The following SS18L1 variants were observed in gnomAD, a reference collection of about 807,000 sequenced individuals.
SS18L1 encodes SS18L1 subunit of BAF chromatin remodeling complex, also known as calcium-responsive transactivator.
Under a neutral mutation model 70.3 loss-of-function variants are expected in SS18L1, and 32 were observed. The ratio of observed to expected loss-of-function variants is 0.46; its 90% confidence interval spans 0.34 to 0.61. SS18L1 has a LOEUF of 0.61. Ranked by LOEUF, SS18L1 falls within the 20% of genes least tolerant of loss-of-function variation. The probability of loss-of-function intolerance (pLI) is 0.01; values close to 1 mark genes in which losing one functional copy is unlikely to be tolerated. For missense variants in SS18L1, 430 were observed against 542.1 expected, an observed-to-expected ratio of 0.79 and a Z score of 2.05; for synonymous variants, 237 against 229.7, an observed-to-expected ratio of 1.03 and a Z score of -0.29.
intron 10 of SS18L1, among the ~76,000 whole-genome samples, chr20:62,178,563 G>A (rs1321078443): frequency 2.6e-5 from 4 of 152,068 alleles, no homozygotes; most frequent in African/African-American, 9.7e-5. Flanking sequence ...CCCAAATTCA[G>A]ATTTGTTTTT....
chr20:62,149,744 G>A (rs556610024), intron 1 of SS18L1, among the ~76,000 whole-genome samples: 45 of 152,250 alleles, frequency 3.0e-4, no homozygotes, highest in Non-Finnish European at 4.7e-4. Flanking sequence ...GGCACTCAAC[G>A]AGCAAGGAAT....
At chr20:62,157,086 C>A (rs892204829) in intron 1 of SS18L1, among the ~76,000 whole-genome samples, 1 of 152,162 alleles carries the variant, frequency 6.6e-6, no homozygotes, top group African/African-American at 2.4e-5. Flanking sequence ...CGCGGGCCAC[C>A]CAGTGCTGCC....
intron 9 of SS18L1, among the ~76,000 whole-genome samples, chr20:62,173,468 G>C (rs2057567434): frequency 6.6e-6 from 1 of 152,198 alleles, no homozygotes; most frequent in South Asian, 2.1e-4. Context: ...CCAGCACTTT[G>C]GGAGGCTGAG....
At position 62,143,859 on chromosome 20, in the gene SS18L1, A is replaced by G; in HGVS notation, c.39A>G (p.Lys13=). 2 of 1,300,672 alleles carry G rather than the reference A, an allele frequency of 1.5e-6. No homozygotes were observed. Among genetic ancestry groups the G allele is most frequent in the Non-Finnish European group, 2.0e-6 (2 of 992,890 alleles). 80.6% of individuals were successfully genotyped at this position (1,300,672 alleles called of 1,614,324 possible). Residue 13 remains lysine, a synonymous_variant, in exon 1 of 11, where the codon AAA becomes AAG. Coordinates refer to ENST00000331758, the MANE Select transcript of SS18L1 (RefSeq NM_198935.3). ...VAFASARPRG[K]GEVTQQTIQK... ...TCGCGTCTGCCCGGCCAAGAGGCAA[A>G]GGGGAGGTTACGCAGCAAACCATCC...
intron 7 of SS18L1, among the ~76,000 whole-genome samples, chr20:62,164,845 GA>G (rs2057398868): frequency 6.6e-6 from 1 of 152,226 alleles, no homozygotes; most frequent in Non-Finnish European, 1.5e-5. Flanking sequence ...ATTGAGCCAT[GA>G]TCGCACCACC....
At chr20:62,176,693 T>C (rs929242083) in intron 10 of SS18L1, among the ~76,000 whole-genome samples, 7 of 151,604 alleles carry the variant, frequency 4.6e-5, no homozygotes, top group Non-Finnish European at 8.8e-5. Context: ...AGCCCAGCTA[T>C]TGGGGAAGCT....
At position 62,180,026 on chromosome 20, in the gene SS18L1, C is replaced by T. The variant is rs2057684571; in HGVS notation, c.*818C>T. ...AGTGGGCCCTCAGAGATTACTCTGG[C>T]TTTGACCCTTGTTTAGCTGATGGTC... On this transcript the variant is annotated 3_prime_UTR_variant, in exon 11 of 11. Coordinates refer to ENST00000331758, the MANE Select transcript of SS18L1 (RefSeq NM_198935.3). The T allele has an allele frequency of 4.6e-6, 1 of 219,560 alleles. No individual in the cohort carries two copies. The highest frequency in any genetic ancestry group is 2.2e-5 in the African/African-American group (1 of 44,502). The allele number at this position is 219,560 out of a possible 1,614,324, so 13.6% of individuals were successfully genotyped here. A position where few individuals can be genotyped will look rare whatever the true frequency, so the allele number is the denominator to read the frequency against.
intron 1 of SS18L1, among the ~76,000 whole-genome samples, chr20:62,157,354 C>T (rs548340305): frequency 3.9e-5 from 6 of 152,200 alleles, no homozygotes; most frequent in Admixed American, 6.5e-5. Flanking sequence ...GTTCAGGAGG[C>T]GCTTTGGGAA....
Position 62,163,536 on chromosome 20 carries a change from C to T in SS18L1, c.635C>T (p.Ser212Leu), listed in dbSNP as rs777905619. 6.2e-6 allele frequency: 10 copies of T among 1,611,608 alleles called. No individual in the cohort carries two copies. The highest frequency in any genetic ancestry group is 2.2e-5 in the East Asian group (1 of 44,858). The change falls in exon 6 of 11, where the codon TCG (serine) becomes TTG (leucine). Residue 212 changes from serine to leucine, a missense_variant. Physicochemically the swap from Ser to Leu is moderately radical, Grantham distance 145. Coordinates refer to ENST00000331758, the MANE Select transcript of SS18L1 (RefSeq NM_198935.3). Reference protein sequence around the residue: ...QGGSQHYQGQSSIAMMGQGSQ... With the variant: ...QGGSQHYQGQLSIAMMGQGSQ... ...GGCAGCCAGCACTACCAGGGCCAGT[C>T]GTCCATCGCCATGATGGGGCAGGGC...
At position 62,182,402 on chromosome 20, in the gene SS18L1, TA is replaced by T. The variant is rs1216310679; in HGVS notation, c.*3195del. 2.5e-5 allele frequency: 5 copies of T among 201,864 alleles called. No individual in the cohort carries two copies. The highest frequency in any genetic ancestry group is 3.1e-5 in the Non-Finnish European group (3 of 98,250). 12.5% of individuals were successfully genotyped at this position (201,864 alleles called of 1,614,324 possible). A position where few individuals can be genotyped will look rare whatever the true frequency, so the allele number is the denominator to read the frequency against. On this transcript the variant is annotated 3_prime_UTR_variant, in exon 11 of 11. Transcript: ENST00000331758. ...ACATTTAAAAAACATCCTTATCGGT[TA>T]TTTTTTTTTCAGTCGGAGTTTGACG...
intron 8 of SS18L1, among the ~76,000 whole-genome samples, chr20:62,168,021 G>C (rs1270417145): frequency 3.5e-5 from 5 of 144,348 alleles, no homozygotes; most frequent in African/African-American, 1.3e-4. Context: ...GTAGAGATAA[G>C]GTCTTGCCAT....
intron 8 of SS18L1, among the ~76,000 whole-genome samples, chr20:62,167,398 A>G (rs982161088): frequency 1.1e-4 from 14 of 126,620 alleles, no homozygotes; most frequent in East Asian, 2.1e-4. Flanking sequence ...TTCTCTCCCG[A>G]AAAAAAAAAA....
chr20:62,153,386 T>C lies in SS18L1; in HGVS notation c.70-5286T>C, dbSNP rs574540761. On this transcript the variant is annotated intron_variant, in intron 1 of 10. Transcript: ENST00000331758. ...AATGCCTCCCACCTCCCAGAGGCGC[T>C]GTCTTGCCCTTCTCAAGGCCAAACC... 1.7e-4 allele frequency among the ~76,000 whole-genome samples: 26 copies of C among 152,282 alleles called. No homozygotes were observed. In the South Asian group the frequency reaches 5.4e-3, roughly 32 times the overall value.
chr20:62,154,829 TG>T, intron 1 of SS18L1, among the ~76,000 whole-genome samples: 1 of 152,188 alleles, frequency 6.6e-6, no homozygotes, highest in Non-Finnish European at 1.5e-5. Context: ...CTCCTGTCTC[TG>T]GGGCTCCTGG....
At chr20:62,171,145 A>G (rs953321453) in intron 8 of SS18L1, among the ~76,000 whole-genome samples, 3 of 151,384 alleles carry the variant, frequency 2.0e-5, no homozygotes, top group Non-Finnish European at 2.9e-5. Flanking sequence ...CTTGTGATCC[A>G]CCCGCCTCGG....
In SS18L1 at chr20:62,179,111, G is replaced by A. The variant is rs999054736; in HGVS notation, c.1165-71G>A. The A allele has an allele frequency of 4.5e-6, 7 of 1,562,568 alleles. No homozygotes were observed. The African/African-American group carries it at 9.5e-5, about 21-fold the overall frequency. ...GTTGTCCCTCCTACCCCCTGTCCGG[G>A]CTGGGGTGGACGTCTGTCTTCCTTT... is the stretch of plus-strand genomic sequence containing the variant. On this transcript the variant is annotated intron_variant, in intron 10 of 10. Coordinates refer to ENST00000331758, the MANE Select transcript of SS18L1 (RefSeq NM_198935.3).
At position 62,165,461 on chromosome 20, in the gene SS18L1, A is replaced by T; in HGVS notation, c.863A>T (p.Glu288Val). Residue 288 changes from glutamate to valine, a missense_variant, in exon 8 of 11, where the codon GAG (glutamate) becomes GTG (valine). Glu to Val is a moderately radical substitution (Grantham distance 121). Transcript: ENST00000331758. ...DYAYQQSSYT[E>V]QSYDRSFEES... The stretch of plus-strand genomic sequence containing the variant: ...GCCTACCAGCAGTCATCCTACACGG[A>T]GCAGAGCTACGACCGGTCCTTCGAG... The T allele has an allele frequency of 6.2e-7, 1 of 1,613,226 alleles. No individual in the cohort carries two copies. The highest frequency in any genetic ancestry group is 8.5e-7 in the Non-Finnish European group (1 of 1,179,922).
At chr20:62,168,608 TGAGAGGTCGA>T (rs2057475646) in intron 8 of SS18L1, among the ~76,000 whole-genome samples, 2 of 151,994 alleles carry the variant, frequency 1.3e-5, no homozygotes, top group African/African-American at 4.8e-5. Context: ...CACGTGAGCC[TGAGAGGTCGA>T]GACCAGCCTA....
rs907664885 is a variant in SS18L1 at position 62,162,433 on chromosome 20, C to G, written c.377-319C>G. 4.8e-5 allele frequency: 12 copies of G among 248,576 alleles called. 1 individual carries two copies. Among genetic ancestry groups the G allele is most frequent in the South Asian group, 4.6e-4 (7 of 15,150 alleles). 15.4% of individuals were successfully genotyped at this position (248,576 alleles called of 1,614,324 possible). A position where few individuals can be genotyped will look rare whatever the true frequency, so the allele number is the denominator to read the frequency against. On this transcript the variant is annotated intron_variant, in intron 4 of 10. Coordinates refer to ENST00000331758, the MANE Select transcript of SS18L1 (RefSeq NM_198935.3). ...TCTCCGGCCTCAGCCTCCCAAGTAGCTGGGATTATAGGCACGTGCCACCAC... is the reference window on the plus strand; with the variant it reads ...TCTCCGGCCTCAGCCTCCCAAGTAGGTGGGATTATAGGCACGTGCCACCAC...
Sources: gnomAD v4.1 joint callset for allele counts (sites outside exome capture counted in the v4.1 genomes callset) on GRCh38, gnomAD v4.1.1 for gene constraint, MANE v1.5 for transcripts, NCBI Gene and HGNC (gene_info 2026-07-23, HGNC 2026-07-21) for gene names.